Variants in PPM1L observed in about 807,000 individuals in gnomAD.
PPM1L encodes protein phosphatase 1L.
Under a neutral mutation model 31.4 loss-of-function variants are expected in PPM1L, and 13 were observed. The observed-to-expected ratio is 0.41, with a 90% CI of 0.27 to 0.66. The LOEUF (loss-of-function observed/expected upper bound fraction) is 0.66. PPM1L is among the 30% of genes least tolerant of loss of function. PPM1L has a pLI of 0.29. For synonymous variants in PPM1L, 184 were observed against 175.4 expected, an observed-to-expected ratio of 1.05 and a Z score of -0.39; for missense variants, 326 against 453.7, an observed-to-expected ratio of 0.72 and a Z score of 2.56.
At chr3:160,968,395 T>C (rs1716221534) in intron 2 of PPM1L, among the ~76,000 whole-genome samples, 1 of 152,172 alleles carries the variant, frequency 6.6e-6, no homozygotes, top group Admixed American at 6.5e-5. Context: ...TAATTTGAGA[T>C]GAAGAGATCA....
intron 2 of PPM1L, among the ~76,000 whole-genome samples, chr3:161,048,436 G>C (rs1040776016): frequency 3.3e-5 from 5 of 152,202 alleles, no homozygotes; most frequent in African/African-American, 1.2e-4. Context: ...AACAACAGGT[G>C]CTGGAGAGAA....
intron 1 of PPM1L, among the ~76,000 whole-genome samples, chr3:160,780,784 T>C (rs1439241344): frequency 6.6e-6 from 1 of 152,234 alleles, no homozygotes; most frequent in Non-Finnish European, 1.5e-5. Context: ...GTTGTAGCAG[T>C]TCCTGTCAGG....
chr3:160,811,026 T>A (rs775634743), intron 1 of PPM1L, among the ~76,000 whole-genome samples: 1 of 152,262 alleles, frequency 6.6e-6, no homozygotes, highest in Non-Finnish European at 1.5e-5. Context: ...CTATTCATTA[T>A]GTTATGGCCC....
intron 2 of PPM1L, among the ~76,000 whole-genome samples, chr3:161,008,738 T>C (rs953047441): frequency 6.6e-6 from 1 of 152,172 alleles, no homozygotes; most frequent in Non-Finnish European, 1.5e-5. Flanking sequence ...GCTGCCAGAA[T>C]GGAGTTACTG....
At chr3:160,850,907 TTC>T (rs1169144683) in intron 1 of PPM1L, among the ~76,000 whole-genome samples, 1 of 151,960 alleles carries the variant, frequency 6.6e-6, no homozygotes, top group Non-Finnish European at 1.5e-5. Flanking sequence ...ATTATTGTTT[TTC>T]TCTCTTACAG....
chr3:161,032,692 CTTT>C (rs35384021), intron 2 of PPM1L, among the ~76,000 whole-genome samples: 4 of 139,330 alleles, frequency 2.9e-5, no homozygotes, highest in Admixed American at 7.2e-5. Flanking sequence ...CAGAGAAGTC[CTTT>C]TTTTTTTTTT....
intron 1 of PPM1L, among the ~76,000 whole-genome samples, chr3:160,862,102 G>A (rs866579790): frequency 2.0e-5 from 3 of 152,130 alleles, no homozygotes; most frequent in South Asian, 2.1e-4. Context: ...TTGAGGGGGG[G>A]CCATGATTCT....
chr3:160,942,295 A>G, intron 1 of PPM1L, among the ~76,000 whole-genome samples: 1 of 152,008 alleles, frequency 6.6e-6, no homozygotes, highest in Non-Finnish European at 1.5e-5. Context: ...GAGTCTTGCT[A>G]TATTGCCTAG....
At chr3:161,057,761 T>C (rs1444626153) in intron 2 of PPM1L, among the ~76,000 whole-genome samples, 1 of 151,984 alleles carries the variant, frequency 6.6e-6, no homozygotes, top group East Asian at 1.9e-4. Context: ...TGTTCTCCCA[T>C]TTGTCACAAG....
chr3:160,942,796 T>C (rs1715204083), intron 1 of PPM1L, among the ~76,000 whole-genome samples: 1 of 152,170 alleles, frequency 6.6e-6, no homozygotes, highest in Admixed American at 6.5e-5. Context: ...ATAAACATCA[T>C]AGATATAAAG....
intron 2 of PPM1L, among the ~76,000 whole-genome samples, chr3:161,031,457 G>A (rs1718560724): frequency 6.7e-6 from 1 of 149,840 alleles, no homozygotes; most frequent in Non-Finnish European, 1.5e-5. Context: ...CTCTGTGACA[G>A]AATAGCTCTT....
At chr3:160,843,072 C>T (rs1406207297) in intron 1 of PPM1L, among the ~76,000 whole-genome samples, 1 of 151,944 alleles carries the variant, frequency 6.6e-6, no homozygotes, top group African/African-American at 2.4e-5. Flanking sequence ...GGAATGTCTC[C>T]AAATCTAATT....
intron 1 of PPM1L, among the ~76,000 whole-genome samples, chr3:160,810,443 C>G (rs1257017466): frequency 6.6e-6 from 1 of 152,170 alleles, no homozygotes; most frequent in Non-Finnish European, 1.5e-5. Context: ...CTTCTGGTTT[C>G]CAACTGGTTT....
chr3:160,842,107 A>G (rs1045639438), intron 1 of PPM1L: 6 of 594,932 alleles, frequency 1.0e-5, no homozygotes, highest in South Asian at 2.1e-5. Context: ...GGAATATTAC[A>G]TAACCAATAC....
chr3:160,855,531 C>G (rs1711670274), intron 1 of PPM1L, among the ~76,000 whole-genome samples: 1 of 152,030 alleles, frequency 6.6e-6, no homozygotes, highest in Non-Finnish European at 1.5e-5. Flanking sequence ...AAGCAAAAAG[C>G]AAACAACCCC....
intron 2 of PPM1L, among the ~76,000 whole-genome samples, chr3:161,012,790 T>C (rs1380239219): frequency 2.6e-5 from 4 of 152,248 alleles, no homozygotes; most frequent in Admixed American, 2.6e-4. Flanking sequence ...TTCTAGATTT[T>C]CTAGTTTATT....
intron 2 of PPM1L, 78 bp from the exon 3 acceptor site, chr3:161,065,325 A>T: frequency 2.8e-6 from 4 of 1,422,160 alleles, no homozygotes; most frequent in Non-Finnish European, 3.9e-6. Context: ...ATGACTGAAG[A>T]ATCCAGTTAC....
In PPM1L at chr3:160,925,330, G is replaced by GT. The variant is rs371928154; in HGVS notation, c.400-36400dup. On this transcript the variant is annotated intron_variant, in intron 1 of 3. Coordinates refer to ENST00000498165, the MANE Select transcript of PPM1L (RefSeq NM_139245.4). ...ATGGGAATCATGAATTTTTTGAGAG[G>GT]TTTTTTATTTATTTAGCATGGTATG... 4.5e-3 allele frequency among the ~76,000 whole-genome samples: 685 copies of GT among 152,194 alleles called. 5 individuals carry two copies. Among genetic ancestry groups the GT allele is most frequent in the African/African-American group, 0.015 (626 of 41,514 alleles).
chr3:160,825,234 A>G (rs891931788), intron 1 of PPM1L, among the ~76,000 whole-genome samples: 3 of 152,100 alleles, frequency 2.0e-5, no homozygotes, highest in African/African-American at 7.2e-5. Context: ...TTGCAATTGA[A>G]ATTTGAGTAT....
Sources: gnomAD v4.1 joint callset for allele counts (sites outside exome capture counted in the v4.1 genomes callset) on GRCh38, gnomAD v4.1.1 for gene constraint, MANE v1.5 for transcripts, NCBI Gene and HGNC (gene_info 2026-07-23, HGNC 2026-07-21) for gene names.